CPA3: variants seen among roughly 807,000 people sequenced by gnomAD.
CPA3 encodes carboxypeptidase A3.
Under a neutral mutation model 55.8 loss-of-function variants are expected in CPA3, and 52 were observed. That is an observed-to-expected ratio of 0.93 (90% CI 0.75 to 1.17). The LOEUF (loss-of-function observed/expected upper bound fraction) is 1.17. Ranked by LOEUF, CPA3 falls within the 50% of genes most tolerant of loss-of-function variation. CPA3 has a pLI of 0.00. For missense variants in CPA3, 547 were observed against 509.1 expected (o/e 1.07, Z -0.72); for synonymous variants, 179 against 171.2 (o/e 1.05, Z -0.36).
At chr3:148,866,190 A>G (rs553290348) in intron 2 of CPA3, among the ~76,000 whole-genome samples, 2 of 152,254 alleles carry the variant, frequency 1.3e-5, no homozygotes, top group Non-Finnish European at 2.9e-5. Context: ...ACAATAAATT[A>G]AATGACCAAG....
intron 2 of CPA3, among the ~76,000 whole-genome samples, chr3:148,868,172 C>T (rs1361998224): frequency 5.3e-5 from 8 of 152,082 alleles, no homozygotes; most frequent in African/African-American, 1.4e-4. Context: ...GGATTACAGT[C>T]GTGAGCCACA....
At chr3:148,887,405 A>G (rs1714562220) in intron 10 of CPA3, among the ~76,000 whole-genome samples, 1 of 152,194 alleles carries the variant, frequency 6.6e-6, no homozygotes, top group Admixed American at 6.5e-5. Flanking sequence ...AAGCTTCACA[A>G]CAACCCTATG....
chr3:148,896,726 G>T lies in CPA3; in HGVS notation c.*19G>T. ...TTCCTAAAGAACTGCCCTCTGTTTG[G>T]AATAAGCCAATTAATCCTTTTTTGT... On this transcript the variant is annotated 3_prime_UTR_variant, in exon 11 of 11. Coordinates refer to ENST00000296046, the MANE Select transcript of CPA3 (RefSeq NM_001870.4). The T allele has an allele frequency of 5.5e-6, 8 of 1,461,778 alleles. No individual in the cohort carries two copies. Among genetic ancestry groups the T allele is most frequent in the Non-Finnish European group, 7.4e-6 (8 of 1,085,054 alleles). 90.6% of individuals were successfully genotyped at this position (1,461,778 alleles called of 1,614,324 possible). A position where few individuals can be genotyped will look rare whatever the true frequency, so the allele number is the denominator to read the frequency against.
chr3:148,894,504 T>C (rs1268006187), intron 10 of CPA3, among the ~76,000 whole-genome samples: 1 of 150,960 alleles, frequency 6.6e-6, no homozygotes, highest in African/African-American at 2.4e-5. Flanking sequence ...GTTTAAGTCA[T>C]ATCAATAATT....
chr3:148,866,293 C>CCTATTCTA (rs1382538310), intron 2 of CPA3, among the ~76,000 whole-genome samples: 2 of 152,214 alleles, frequency 1.3e-5, no homozygotes, highest in East Asian at 3.8e-4. Context: ...AAAGGCCCTG[C>CCTATTCTA]CTATTCTAAC....
chr3:148,873,377 GCACACACACA>G (rs35303662), intron 3 of CPA3, among the ~76,000 whole-genome samples: 6 of 145,918 alleles, frequency 4.1e-5, no homozygotes, highest in African/African-American at 1.5e-4. Flanking sequence ...GCGCACACGC[GCACACACACA>G]CACACACACA....
chr3:148,887,181 T>C (rs1714553053), intron 10 of CPA3, among the ~76,000 whole-genome samples: 1 of 152,202 alleles, frequency 6.6e-6, no homozygotes, highest in Non-Finnish European at 1.5e-5. Flanking sequence ...CAGTTTCTGT[T>C]GCAGGTACTC....
intron 9 of CPA3, among the ~76,000 whole-genome samples, chr3:148,885,461 A>G (rs1576583916): frequency 8.2e-6 from 1 of 121,706 alleles, no homozygotes; most frequent in Middle Eastern, 6.7e-3. Flanking sequence ...ACCAGGCTGG[A>G]GTGCAGTGGC....
At chr3:148,878,284 T>C (rs990722047) in intron 3 of CPA3, among the ~76,000 whole-genome samples, 157 bp from the exon 4 acceptor site, 1 of 152,108 alleles carries the variant, frequency 6.6e-6, no homozygotes, top group South Asian at 2.1e-4. Flanking sequence ...AGACACATGA[T>C]ATGTCTAAAG....
intron 9 of CPA3, among the ~76,000 whole-genome samples, chr3:148,885,188 T>G (rs1413235857): frequency 6.6e-6 from 1 of 152,104 alleles, no homozygotes; most frequent in East Asian, 1.9e-4. Flanking sequence ...GAAGATCCTG[T>G]AGCAATATGA....
rs145039073 is a variant in CPA3, at chr3:148,881,601, A to G, written c.656A>G (p.Asn219Ser). The part of the protein sequence containing the change: ...RMNFYILPVF[N>S]VDGYIWSWTK... ...AATTTTTACATTCTTCCTGTGTTCA[A>G]TGTTGATGGATATATTTGGTCATGG... Residue 219 changes from asparagine (N) to serine (S), a missense_variant, in exon 7 of 11, where the codon AAT becomes AGT. Coordinates refer to ENST00000296046, the MANE Select transcript of CPA3 (RefSeq NM_001870.4). The G allele has an allele frequency of 9.9e-6, 16 of 1,612,046 alleles. No homozygotes were observed. The South Asian group carries it at 1.3e-4, about 13-fold the overall frequency.
intron 3 of CPA3, among the ~76,000 whole-genome samples, chr3:148,874,674 C>T (rs938325190): frequency 6.6e-6 from 1 of 152,134 alleles, no homozygotes; most frequent in African/African-American, 2.4e-5. Context: ...GTCCCATGTG[C>T]TAAATAAACT....
At chr3:148,876,905 G>T (rs1714220720) in intron 3 of CPA3, among the ~76,000 whole-genome samples, 1 of 152,158 alleles carries the variant, frequency 6.6e-6, no homozygotes, top group African/African-American at 2.4e-5. Context: ...GAGGCAGTTT[G>T]TATTCAAATT....
intron 1 of CPA3, 29 bp from the exon 2 acceptor site, chr3:148,865,444 C>G: frequency 7.9e-7 from 1 of 1,258,422 alleles, no homozygotes; most frequent in East Asian, 2.8e-5. Flanking sequence ...TTACAGTTCA[C>G]TTTTTTTTTT....
At chr3:148,879,952 T>C in intron 6 of CPA3, 63 bp downstream of exon 6, 1 of 1,122,224 alleles carries the variant, frequency 8.9e-7, no homozygotes, top group Non-Finnish European at 1.3e-6. Context: ...CTTCACTAAG[T>C]GGCGACATCT....
intron 10 of CPA3, among the ~76,000 whole-genome samples, chr3:148,894,323 T>C (rs1007618564): frequency 1.3e-5 from 2 of 152,244 alleles, no homozygotes; most frequent in African/African-American, 4.8e-5. Context: ...GTTATGTATG[T>C]GTATTATAGT....
intron 10 of CPA3, among the ~76,000 whole-genome samples, chr3:148,895,299 T>C (rs1205381043): frequency 6.6e-6 from 1 of 152,162 alleles, no homozygotes; most frequent in Non-Finnish European, 1.5e-5. Flanking sequence ...AATTCCTTTC[T>C]TCCATCTCCA....
chr3:148,884,661 G>A (rs555050931), intron 9 of CPA3, among the ~76,000 whole-genome samples: 8 of 152,190 alleles, frequency 5.3e-5, no homozygotes, highest in African/African-American at 1.4e-4. Context: ...GTTAATTGGA[G>A]CAGAGACCTG....
At chr3:148,885,812 T>C (rs574322618) in intron 9 of CPA3, among the ~76,000 whole-genome samples, 6 of 152,282 alleles carry the variant, frequency 3.9e-5, no homozygotes, top group South Asian at 4.1e-4. Flanking sequence ...AATTTGACTT[T>C]TTTCATCCCT....
Sources: gnomAD v4.1 joint callset for allele counts (sites outside exome capture counted in the v4.1 genomes callset) on GRCh38, gnomAD v4.1.1 for gene constraint, MANE v1.5 for transcripts, NCBI Gene and HGNC (gene_info 2026-07-23, HGNC 2026-07-21) for gene names.